Variants in CACNA1E observed in about 807,000 individuals in gnomAD.
The protein encoded by CACNA1E is voltage-dependent R-type calcium channel subunit alpha-1E.
CACNA1E carries 40 observed loss-of-function variants against 259.2 expected under a neutral mutation model. That is an observed-to-expected ratio of 0.15 (90% CI 0.12 to 0.20). The LOEUF (loss-of-function observed/expected upper bound fraction) is 0.20, where lower values mean the gene tolerates loss of function less well. Ranked by LOEUF, CACNA1E falls within the 10% of genes least tolerant of loss-of-function variation. The pLI is 1.00. For missense variants in CACNA1E, 1,874 were observed against 3,040.1 expected (o/e 0.62, Z 9.02); for synonymous variants, 1,104 against 1,138.5 (o/e 0.97, Z 0.61).
At chr1:181,601,396 G>A (rs1653733754) in intron 6 of CACNA1E, among the ~76,000 whole-genome samples, 1 of 152,046 alleles carries the variant, frequency 6.6e-6, no homozygotes, top group African/African-American at 2.4e-5. Flanking sequence ...CAAACACACG[G>A]CTCCTCCCCG....
rs376438728 is a variant in CACNA1E at position 181,795,062 on chromosome 1, G to A, written c.6208+18G>A. 10 of 1,606,162 alleles carry A rather than the reference G, an allele frequency of 6.2e-6. No homozygotes were observed. The African/African-American group carries it at 1.3e-4, about 22-fold the overall frequency. The stretch of plus-strand genomic sequence containing the variant: ...TGATTCAGGTGAGGAGGTCTTCAGT[G>A]TCCAGCTCTTTCATCAGGCAGTGGG... On this transcript the variant is annotated intron_variant, in intron 46 of 47. Transcript: ENST00000367573.
At position 181,485,653 on chromosome 1, in the gene CACNA1E, G is replaced by A. The variant is rs557611820; in HGVS notation, c.266+1643G>A. 1.3e-5 allele frequency among the ~76,000 whole-genome samples: 2 copies of A among 152,334 alleles called. No individual in the cohort carries two copies. Among genetic ancestry groups the A allele is most frequent in the East Asian group, 1.9e-4 (1 of 5,180 alleles). ...TCCCTGCAGTCACGCCTGCCGGTGC[G>A]CTGCACAAAGCGGACAGATCTCATT... On this transcript the variant is annotated intron_variant, in intron 1 of 47. Coordinates refer to ENST00000367573, the MANE Select transcript of CACNA1E (RefSeq NM_001205293.3). The surrounding 1 kb of genome is among the most constrained non-coding windows in gnomAD (Gnocchi z 4.2).
At chr1:181,759,005 T>C in intron 32 of CACNA1E, 137 bp downstream of exon 32, 1 of 602,080 alleles carries the variant, frequency 1.7e-6, no homozygotes, top group South Asian at 2.1e-5. Context: ...GACTGCTCAG[T>C]AAACTGCCGT....
chr1:181,742,322 G>A (rs1308842445), intron 25 of CACNA1E, among the ~76,000 whole-genome samples: 1 of 152,208 alleles, frequency 6.6e-6, no homozygotes, highest in Non-Finnish European at 1.5e-5. Flanking sequence ...CTCATGGTCA[G>A]GGGCTCAGGC....
At chr1:181,710,873 C>G (rs900156873) in intron 7 of CACNA1E, 81 bp from the exon 8 acceptor site, 3 of 1,001,870 alleles carry the variant, frequency 3.0e-6, no homozygotes, top group South Asian at 2.6e-5. Context: ...CTCAGATGCT[C>G]TCTCTCTGTT....
chr1:181,657,392 T>C (rs1436978407), intron 7 of CACNA1E, among the ~76,000 whole-genome samples: 2 of 152,096 alleles, frequency 1.3e-5, no homozygotes, highest in African/African-American at 4.8e-5. Flanking sequence ...TTTTTAAGTA[T>C]AATATTTAGA....
chr1:181,711,617 G>A (rs572820291), intron 8 of CACNA1E, among the ~76,000 whole-genome samples: 40 of 152,308 alleles, frequency 2.6e-4, no homozygotes, highest in African/African-American at 7.9e-4. Context: ...AGGGGTATGG[G>A]ATATAGAATG....
intron 6 of CACNA1E, among the ~76,000 whole-genome samples, chr1:181,584,287 A>G (rs1651837957): frequency 6.6e-6 from 1 of 152,194 alleles, no homozygotes; most frequent in Non-Finnish European, 1.5e-5. Flanking sequence ...TGATAAACTC[A>G]TGTAGAGGCA....
intron 38 of CACNA1E, among the ~76,000 whole-genome samples, chr1:181,778,710 C>T (rs1660165499): frequency 6.6e-6 from 1 of 152,156 alleles, no homozygotes; most frequent in African/African-American, 2.4e-5. Context: ...AGAATTCTGG[C>T]TGGCTCCAGC....
At chr1:181,692,101 C>T (rs909709091) in intron 7 of CACNA1E, among the ~76,000 whole-genome samples, 1 of 152,102 alleles carries the variant, frequency 6.6e-6, no homozygotes, top group East Asian at 1.9e-4. Context: ...AATACATCTG[C>T]CAAGGAGATG....
At chr1:181,349,276 A>T (rs1270994017) in intron 1 of CACNA1E, among the ~76,000 whole-genome samples, 2 of 152,250 alleles carry the variant, frequency 1.3e-5, no homozygotes, top group East Asian at 3.8e-4. Context: ...ACAAAGGTCA[A>T]CTAAACCTGG....
rs761946631 is a variant in CACNA1E, at chr1:181,732,375, C to T, written c.2298-9C>T. On this transcript the variant is annotated splice_polypyrimidine_tract_variant and intron_variant, in intron 19 of 47. Transcript: ENST00000367573. The surrounding 1 kb of genome is among the most constrained non-coding windows in gnomAD (Gnocchi z 5.5). ...CTCTGACCGCGGCCCTGCCCTTTCC[C>T]CTTGGCAGGAGGGAGCGGAGGCGCC... The T allele has an allele frequency of 1.0e-5, 15 of 1,504,358 alleles. No homozygotes were observed. The highest frequency in any genetic ancestry group is 1.3e-5 in the South Asian group (1 of 74,510). 93.2% of individuals were successfully genotyped at this position (1,504,358 alleles called of 1,614,324 possible).
At chr1:181,438,981 G>A (rs943325550) in intron 2 of CACNA1E, among the ~76,000 whole-genome samples, 3 of 152,194 alleles carry the variant, frequency 2.0e-5, no homozygotes, top group Non-Finnish European at 2.9e-5. Flanking sequence ...GTGGAGAAGC[G>A]ACAGCCTAAA....
chr1:181,545,954 G>A (rs1263474620), intron 3 of CACNA1E, among the ~76,000 whole-genome samples: 1 of 151,958 alleles, frequency 6.6e-6, no homozygotes, highest in East Asian at 1.9e-4. Flanking sequence ...TGCCTCTAGG[G>A]GGTTGGGGAG....
intron 41 of CACNA1E, among the ~76,000 whole-genome samples, 179 bp downstream of exon 41, chr1:181,784,947 T>C (rs1390817763): frequency 1.3e-5 from 2 of 152,206 alleles, no homozygotes; most frequent in Admixed American, 1.3e-4. Flanking sequence ...TGGTTGTGGA[T>C]GAGACTTCCT....
intron 1 of CACNA1E, among the ~76,000 whole-genome samples, chr1:181,501,664 A>G (rs1022666575): frequency 6.6e-6 from 1 of 152,074 alleles, no homozygotes; most frequent in Admixed American, 6.6e-5. Flanking sequence ...TTCATTCATT[A>G]GGTTTTTAGG....
chr1:181,374,760 C>A (rs1373921012), intron 1 of CACNA1E, among the ~76,000 whole-genome samples: 1 of 152,194 alleles, frequency 6.6e-6, no homozygotes, highest in Non-Finnish European at 1.5e-5. Flanking sequence ...AGCAACTGAG[C>A]ATGGCTGAAA....
chr1:181,745,377 T>C, intron 25 of CACNA1E: 2 of 497,276 alleles, frequency 4.0e-6, no homozygotes, highest in Non-Finnish European at 3.9e-6. Context: ...GATGGTTGGT[T>C]GTAAATGGGA....
chr1:181,510,302 A>G (rs1558070332), intron 1 of CACNA1E, among the ~76,000 whole-genome samples, 175 bp from the exon 2 acceptor site: 1 of 152,234 alleles, frequency 6.6e-6, no homozygotes, highest in African/African-American at 2.4e-5. Context: ...TCACAAAACC[A>G]AAAGTGGATG....
Sources: allele counts gnomAD v4.1 joint callset (sites outside exome capture counted in the v4.1 genomes callset), GRCh38; gene constraint gnomAD v4.1.1; non-coding constraint Gnocchi (gnomAD v3.1); transcripts MANE v1.5; gene names NCBI Gene and HGNC (gene_info 2026-07-23, HGNC 2026-07-21).